PABPN1L: variants seen among roughly 807,000 people sequenced by gnomAD.
PABPN1L encodes the protein PABPN1 like, cytoplasmic.
In PABPN1L, 45 loss-of-function variants were observed where a neutral mutation model predicts 34.0. That is an observed-to-expected ratio of 1.32 (90% CI 1.04 to 1.70). The LOEUF (loss-of-function observed/expected upper bound fraction) is 1.70, where lower values mean the gene tolerates loss of function less well. PABPN1L is among the 40% of genes most tolerant of loss of function. The pLI is 0.00. For missense variants in PABPN1L, 459 were observed against 367.8 expected (o/e 1.25, Z -2.03); for synonymous variants, 182 against 152.1 (o/e 1.20, Z -1.45).
intron 6 of PABPN1L, 70 bp from the exon 7 acceptor site, chr16:88,863,865 G>T: frequency 6.9e-7 from 1 of 1,439,456 alleles, no homozygotes; most frequent in Non-Finnish European, 9.4e-7. Context: ...GGGCCCCGGG[G>T]GACAACAGGA....
At chr16:88,866,030 G>A (rs1047073959) in intron 1 of PABPN1L, 89 bp from the exon 2 acceptor site, 2 of 1,464,014 alleles carry the variant, frequency 1.4e-6, no homozygotes, top group Non-Finnish European at 1.8e-6. Flanking sequence ...CCAGCAGAGG[G>A]TCACAGCCCC....
exon 7 of PABPN1L, chr16:88,863,508 C>T (rs1968495888): frequency 8.3e-6 from 5 of 602,110 alleles, no homozygotes; most frequent in Middle Eastern, 8.8e-4. Context: ...CCGCAGATCC[C>T]CGTGGGGCCC....
chr16:88,863,482 C>A, exon 7 of PABPN1L: 1 of 567,336 alleles, frequency 1.8e-6, no homozygotes, highest in Admixed American at 3.0e-5. Flanking sequence ...CCTCCCCTCC[C>A]TCAACACCCA....
rs777574924 is a variant in PABPN1L at position 88,865,633 on chromosome 16, G to A, written c.392-3C>T. 20 of 1,606,344 alleles carry A rather than the reference G, an allele frequency of 1.2e-5. 1 individual carries two copies. The South Asian group carries it at 2.0e-4, about 16-fold the overall frequency. On this transcript the variant is annotated splice_region_variant and splice_polypyrimidine_tract_variant and intron_variant, in intron 2 of 6. Coordinates refer to ENST00000419291, the Ensembl canonical transcript of PABPN1L. ...GGGGGTCCCAGAGAGGGGGCAGCCTGCGGAGAACACAGCTCAGGCCCGCAG... is the reference window on the plus strand; with the variant it reads ...GGGGGTCCCAGAGAGGGGGCAGCCTACGGAGAACACAGCTCAGGCCCGCAG...
rs758602319 is a variant in PABPN1L, at chr16:88,865,863, G to T, written c.334C>A (p.Gln112Lys). Residue 112 changes from glutamine (Q) to lysine (K), a missense_variant, in exon 2 of 7, where the codon CAG (glutamine) becomes AAG (lysine). By Grantham distance (53) the Gln-to-Lys change is moderately conservative. Coordinates refer to ENST00000419291, the Ensembl canonical transcript of PABPN1L. ...GCGGTGCCCTCCTCTTCCTCGGCCT[G>T]TTGCTGCACTCCTGGAGGCCGTGGC... 6.2e-7 allele frequency: 1 copy of T among 1,610,116 alleles called. No homozygotes were observed.
upstream of PABPN1L, among the ~76,000 whole-genome samples, chr16:88,869,983 C>A (rs896476477): frequency 2.0e-5 from 3 of 152,238 alleles, no homozygotes; most frequent in African/African-American, 7.2e-5. Context: ...CTATTCCAGA[C>A]AGGATCCGTG....
chr16:88,868,760 A>G (rs1968647530), upstream of PABPN1L, among the ~76,000 whole-genome samples: 1 of 152,344 alleles, frequency 6.6e-6, no homozygotes, highest in Middle Eastern at 3.4e-3. Flanking sequence ...CAGTCACCAA[A>G]TGCACATTTT....
chr16:88,864,264 G>A, exon 6 of PABPN1L: 1 of 1,544,504 alleles, frequency 6.5e-7, no homozygotes, highest in Middle Eastern at 1.7e-4. Flanking sequence ...TCTGAGCCGG[G>A]GCCTGCCCTG....
chr16:88,867,975 GCTGGGATTC>G, upstream of PABPN1L, among the ~76,000 whole-genome samples: 1 of 152,326 alleles, frequency 6.6e-6, no homozygotes, highest in African/African-American at 2.4e-5. Context: ...AGCCAGTGGG[GCTGGGATTC>G]CTGGGAATTT....
At chr16:88,864,725 G>T (rs1968545791) in intron 5 of PABPN1L, 128 bp downstream of exon 5, 1 of 1,104,310 alleles carries the variant, frequency 9.1e-7, no homozygotes, top group Non-Finnish European at 1.3e-6. Context: ...TCCTGTCCAG[G>T]CCCAGCCAAG....
intron 3 of PABPN1L, among the ~76,000 whole-genome samples, chr16:88,865,356 G>T (rs780233141): frequency 4.5e-4 from 68 of 151,800 alleles, no homozygotes; most frequent in Middle Eastern, 6.8e-3. Flanking sequence ...CTCAAAAGTG[G>T]AGATTTCATG....
intron 3 of PABPN1L, 103 bp from the exon 4 acceptor site, chr16:88,865,231 C>A: frequency 7.9e-7 from 1 of 1,260,908 alleles, no homozygotes. Flanking sequence ...GGCCCCGTGG[C>A]GGGGATGGCC....
exon 7 of PABPN1L, chr16:88,863,723 C>T: frequency 1.3e-6 from 2 of 1,535,456 alleles, no homozygotes; most frequent in Non-Finnish European, 8.7e-7. Flanking sequence ...CTGATCCAGG[C>T]CCCAGCCCCT....
upstream of PABPN1L, among the ~76,000 whole-genome samples, chr16:88,867,220 C>CT (rs1208230360): frequency 0.012 from 1,655 of 142,110 alleles, 16 homozygotes; most frequent in South Asian, 0.044. Context: ...TATTCTGGGC[C>CT]TTTTTTTTTT....
exon 7 of PABPN1L, chr16:88,863,676 T>G (rs2143019114): frequency 1.3e-6 from 2 of 1,496,870 alleles, no homozygotes; most frequent in East Asian, 4.9e-5. Flanking sequence ...CGCCACTCCC[T>G]GCCCCAGCCC....
chr16:88,864,286 G>T, exon 6 of PABPN1L: 3 of 1,552,686 alleles, frequency 1.9e-6, no homozygotes, highest in Non-Finnish European at 2.6e-6. Flanking sequence ...AGGCCGCTGT[G>T]GGGGAAGGGT....
intron 6 of PABPN1L, 138 bp from the exon 7 acceptor site, chr16:88,863,933 G>T: frequency 1.1e-6 from 1 of 946,268 alleles, no homozygotes; most frequent in Non-Finnish European, 1.6e-6. Context: ...CCTTTCTGGT[G>T]ACTCCCAGCT....
intron 6 of PABPN1L, 33 bp from the exon 7 acceptor site, chr16:88,863,828 T>C: frequency 2.0e-6 from 3 of 1,530,284 alleles, no homozygotes; most frequent in Admixed American, 2.0e-5. Flanking sequence ...CTGAGTGGCC[T>C]TCCAGAGGAG....
upstream of PABPN1L, chr16:88,866,653 C>G (rs772851742): frequency 4.7e-6 from 7 of 1,489,814 alleles, no homozygotes; most frequent in Non-Finnish European, 5.4e-6. Flanking sequence ...CTCCCCTCCA[C>G]TCCCCTCGCG....
Sources: gnomAD v4.1 joint callset for allele counts (sites outside exome capture counted in the v4.1 genomes callset) on GRCh38, gnomAD v4.1.1 for gene constraint, MANE v1.5 for transcripts, NCBI Gene and HGNC (gene_info 2026-07-23, HGNC 2026-07-21) for gene names.